Variants in KCNMA1 observed in about 807,000 individuals in gnomAD.
KCNMA1 encodes potassium calcium-activated channel subfamily M alpha 1.
A neutral mutation model predicts 140.0 loss-of-function variants in KCNMA1; 29 were observed. The ratio of observed to expected loss-of-function variants is 0.21; its 90% CI spans 0.15 to 0.28. KCNMA1 has a LOEUF of 0.28. Ranked by LOEUF, KCNMA1 falls within the 10% of genes least tolerant of loss-of-function variation. The probability of loss-of-function intolerance (pLI) is 1.00; values close to 1 mark genes in which losing one functional copy is unlikely to be tolerated. For synonymous variants in KCNMA1, 612 were observed against 611.9 expected (o/e 1.00, Z 0.00); for missense variants, 880 against 1,602.2 (o/e 0.55, Z 7.70).
intron 1 of KCNMA1, among the ~76,000 whole-genome samples, chr10:77,578,511 C>T (rs917137845): frequency 1.3e-5 from 2 of 152,166 alleles, no homozygotes; most frequent in African/African-American, 4.8e-5. Context: ...GCCTGCAGCC[C>T]CCAACGAGGG....
chr10:77,437,214 A>G (rs559190946), intron 1 of KCNMA1, among the ~76,000 whole-genome samples: 56 of 152,262 alleles, frequency 3.7e-4, no homozygotes, highest in Middle Eastern at 6.8e-3. Context: ...CTCTGGATGT[A>G]AGATGGAAGG....
chr10:77,628,433 A>G (rs954659698), intron 1 of KCNMA1, among the ~76,000 whole-genome samples: 1 of 152,118 alleles, frequency 6.6e-6, no homozygotes, highest in African/African-American at 2.4e-5. Context: ...AGGCGGGTGG[A>G]TCATTTGAGG....
intron 1 of KCNMA1, among the ~76,000 whole-genome samples, chr10:77,415,180 T>A (rs755182001): frequency 2.0e-5 from 3 of 152,234 alleles, no homozygotes; most frequent in Non-Finnish European, 4.4e-5. Flanking sequence ...TGGCCACATA[T>A]GCTGCCTAAA....
At chr10:77,261,957 T>C (rs1456080132) in intron 2 of KCNMA1, among the ~76,000 whole-genome samples, 1 of 152,212 alleles carries the variant, frequency 6.6e-6, no homozygotes, top group Non-Finnish European at 1.5e-5. Flanking sequence ...GTTTATGAGA[T>C]GAGAAATCTT....
chr10:77,106,510 C>G (rs189920844), intron 9 of KCNMA1, among the ~76,000 whole-genome samples: 31 of 149,988 alleles, frequency 2.1e-4, no homozygotes, highest in African/African-American at 7.7e-4. Flanking sequence ...ACCAGCTCAC[C>G]CACATTTGAC....
At chr10:77,409,642 C>G (rs572118213) in intron 1 of KCNMA1, among the ~76,000 whole-genome samples, 1 of 152,282 alleles carries the variant, frequency 6.6e-6, no homozygotes, top group East Asian at 1.9e-4. Context: ...AAGGGCCCAG[C>G]CTTCCCCAGC....
In KCNMA1 at chr10:77,064,676, G is replaced by A. The variant is rs114345247; in HGVS notation, c.1749+8421C>T. 6.5e-3 allele frequency among the ~76,000 whole-genome samples: 984 copies of A among 152,336 alleles called. 13 individuals carry two copies. The highest frequency in any genetic ancestry group is 0.023 in the African/African-American group (936 of 41,566). Reference sequence around the variant, plus strand: ...GCATTAGTGGGCTTGGTCAGACTGAGTGGCACTGCGGGAGGCAGCATCCTG... The same window carrying A: ...GCATTAGTGGGCTTGGTCAGACTGAATGGCACTGCGGGAGGCAGCATCCTG... On this transcript the variant is annotated intron_variant, in intron 14 of 27. Coordinates refer to ENST00000286628, the MANE Select transcript of KCNMA1 (RefSeq NM_001161352.2).
At chr10:77,336,064 A>G (rs559056124) in intron 2 of KCNMA1, among the ~76,000 whole-genome samples, 1 of 152,254 alleles carries the variant, frequency 6.6e-6, no homozygotes, top group Admixed American at 6.5e-5. Flanking sequence ...GGAAGTTGGG[A>G]AAAAAATAGT....
intron 2 of KCNMA1, among the ~76,000 whole-genome samples, chr10:77,257,647 C>T (rs941633145): frequency 2.6e-5 from 4 of 152,172 alleles, no homozygotes; most frequent in South Asian, 2.1e-4. Context: ...CTTGAACTGT[C>T]GCTCTCACAA....
At chr10:77,523,221 C>A (rs2054189624) in intron 1 of KCNMA1, among the ~76,000 whole-genome samples, 1 of 138,008 alleles carries the variant, frequency 7.2e-6, no homozygotes, top group Admixed American at 7.3e-5. Context: ...CCCTTGCAAT[C>A]ACACCACAGA....
At chr10:77,389,921 T>C (rs1208579778) in intron 2 of KCNMA1, among the ~76,000 whole-genome samples, 1 of 152,148 alleles carries the variant, frequency 6.6e-6, no homozygotes, top group Non-Finnish European at 1.5e-5. Context: ...GGCAAAACCA[T>C]GGGAGAGCCA....
At chr10:77,345,804 T>A (rs1198425627) in intron 2 of KCNMA1, among the ~76,000 whole-genome samples, 1 of 152,236 alleles carries the variant, frequency 6.6e-6, no homozygotes, top group East Asian at 1.9e-4. Context: ...GGCTTTGTGC[T>A]TGAACCTTGA....
chr10:77,141,404 A>G (rs148877745), intron 5 of KCNMA1, among the ~76,000 whole-genome samples: 21 of 152,270 alleles, frequency 1.4e-4, no homozygotes, highest in African/African-American at 5.1e-4. Context: ...TTTAGACAAG[A>G]TCATGAGGAT....
intron 1 of KCNMA1, among the ~76,000 whole-genome samples, chr10:77,431,165 G>A (rs35777): frequency 0.12 from 18,151 of 152,076 alleles, 1,309 homozygotes; most frequent in South Asian, 0.26. Flanking sequence ...GTACATCAAG[G>A]GACCAGTTTC....
chr10:77,368,754 C>T (rs577306679), intron 2 of KCNMA1, among the ~76,000 whole-genome samples: 3 of 152,194 alleles, frequency 2.0e-5, no homozygotes, highest in African/African-American at 4.8e-5. Context: ...GTTTCATTTG[C>T]CCTTGGATGT....
chr10:77,519,421 C>T (rs1346481207), intron 1 of KCNMA1, among the ~76,000 whole-genome samples: 1 of 152,208 alleles, frequency 6.6e-6, no homozygotes, highest in Non-Finnish European at 1.5e-5. Flanking sequence ...AAAGATGCAG[C>T]TGTGTTTGAA....
chr10:77,580,273 T>C (rs2075476275), intron 1 of KCNMA1, among the ~76,000 whole-genome samples: 1 of 150,258 alleles, frequency 6.7e-6, no homozygotes, highest in South Asian at 2.1e-4. Flanking sequence ...CCCAGCTACT[T>C]GGGAGGCTGA....
At chr10:77,196,935 G>A (rs962164134) in intron 3 of KCNMA1, among the ~76,000 whole-genome samples, 5 of 152,038 alleles carry the variant, frequency 3.3e-5, no homozygotes, top group African/African-American at 1.2e-4. Flanking sequence ...TTTTATAAAA[G>A]TCCATTCTGA....
intron 19 of KCNMA1, among the ~76,000 whole-genome samples, chr10:76,989,612 C>T (rs1178091518): frequency 2.6e-5 from 4 of 152,138 alleles, no homozygotes; most frequent in Non-Finnish European, 5.9e-5. Context: ...GGAGATATAG[C>T]TGTCTCTTGG....
Sources: allele counts gnomAD v4.1 joint callset (sites outside exome capture counted in the v4.1 genomes callset), GRCh38; gene constraint gnomAD v4.1.1; transcripts MANE v1.5; gene names NCBI Gene and HGNC (gene_info 2026-07-23, HGNC 2026-07-21).